Variants in SPAG16 observed in about 807,000 individuals in gnomAD.
SPAG16 encodes sperm-associated antigen 16 protein.
A neutral mutation model predicts 80.4 loss-of-function variants in SPAG16; 86 were observed. That is an observed-to-expected ratio of 1.07 (90% CI 0.90 to 1.28). The LOEUF is 1.28. Among genes scored for constraint, SPAG16 ranks in the 50% most tolerant of loss-of-function variants. SPAG16 has a pLI of 0.00. For synonymous variants in SPAG16, 294 were observed against 265.9 expected (o/e 1.11, Z -1.03); for missense variants, 870 against 765.3 (o/e 1.14, Z -1.61).
chr2:214,320,394 A>G (rs1696012228), intron 15 of SPAG16, among the ~76,000 whole-genome samples: 1 of 152,196 alleles, frequency 6.6e-6, no homozygotes, highest in Non-Finnish European at 1.5e-5. Context: ...AGCATGTACC[A>G]TACTATTTAA....
chr2:214,168,125 GATT>G (rs1407153713), intron 15 of SPAG16, among the ~76,000 whole-genome samples: 1 of 151,308 alleles, frequency 6.6e-6, no homozygotes, highest in Non-Finnish European at 1.5e-5. Context: ...GAATAGCTGG[GATT>G]ACAGGCATGC....
chr2:213,892,288 G>C (rs2076812885), intron 11 of SPAG16, among the ~76,000 whole-genome samples: 1 of 151,926 alleles, frequency 6.6e-6, no homozygotes, highest in Admixed American at 6.6e-5. Flanking sequence ...AGCTGAAAAG[G>C]AGGTGATGAC....
At chr2:214,112,506 G>A (rs775862685) in intron 14 of SPAG16, among the ~76,000 whole-genome samples, 5 of 152,118 alleles carry the variant, frequency 3.3e-5, no homozygotes, top group Non-Finnish European at 7.3e-5. Context: ...TGTAATGGGT[G>A]CATATATATT....
intron 1 of SPAG16, among the ~76,000 whole-genome samples, chr2:213,287,182 A>G (rs557869705): frequency 1.3e-5 from 2 of 152,370 alleles, no homozygotes; most frequent in African/African-American, 4.8e-5. Context: ...GCAGCATTAT[A>G]AACTATAAGG....
chr2:214,338,020 A>G (rs771910393), intron 15 of SPAG16, among the ~76,000 whole-genome samples: 1 of 151,954 alleles, frequency 6.6e-6, no homozygotes, highest in Non-Finnish European at 1.5e-5. Context: ...GAAATAACAT[A>G]CTCTTTTTTT....
intron 15 of SPAG16, among the ~76,000 whole-genome samples, chr2:214,273,702 T>C (rs189491544): frequency 1.1e-4 from 17 of 151,338 alleles, no homozygotes; most frequent in Non-Finnish European, 2.1e-4. Context: ...ACTGTACCCT[T>C]GTAACATAGT....
intron 15 of SPAG16, among the ~76,000 whole-genome samples, chr2:214,283,006 C>G (rs114123811): frequency 1.3e-5 from 2 of 152,080 alleles, no homozygotes; most frequent in Non-Finnish European, 2.9e-5. Flanking sequence ...AACTCTGATA[C>G]TGACTCAGCA....
chr2:213,980,265 ATATT>A (rs1480294025), intron 12 of SPAG16, among the ~76,000 whole-genome samples: 1,511 of 55,962 alleles, frequency 0.027, 269 homozygotes, highest in South Asian at 0.074. Flanking sequence ...GTGTGTATAT[ATATT>A]CTCTATATAT....
intron 15 of SPAG16, among the ~76,000 whole-genome samples, chr2:214,295,895 T>G (rs1056889776): frequency 6.6e-6 from 1 of 152,244 alleles, no homozygotes; most frequent in Non-Finnish European, 1.5e-5. Flanking sequence ...GTATTTTTAA[T>G]TTTTATCTTT....
intron 10 of SPAG16, among the ~76,000 whole-genome samples, chr2:213,850,776 G>A (rs763186336): frequency 4.6e-5 from 7 of 151,984 alleles, no homozygotes; most frequent in Non-Finnish European, 8.8e-5. Context: ...TTTGGTCAGT[G>A]GTGACTTAGG....
intron 13 of SPAG16, among the ~76,000 whole-genome samples, chr2:214,043,557 T>A (rs778821883): frequency 2.0e-5 from 3 of 152,160 alleles, no homozygotes; most frequent in Non-Finnish European, 4.4e-5. Flanking sequence ...ATTAAATACA[T>A]AATTGTCAGA....
At position 213,709,090 on chromosome 2, in the gene SPAG16, A is replaced by G. The variant is rs999786602; in HGVS notation, c.1071-153395A>G. 3.9e-5 allele frequency among the ~76,000 whole-genome samples: 6 copies of G among 152,188 alleles called. No individual in the cohort carries two copies. In the South Asian group the frequency reaches 8.3e-4, roughly 21 times the overall value. On this transcript the variant is annotated intron_variant, in intron 10 of 15. Transcript: ENST00000331683. Reference sequence around the variant, plus strand: ...GCAGACACTTTGGTAAAAGGTCCCAAACTATAATGATTACCTTATATTTTG... The same window carrying G: ...GCAGACACTTTGGTAAAAGGTCCCAGACTATAATGATTACCTTATATTTTG...
At chr2:214,370,992 A>T (rs528436965) in intron 15 of SPAG16, among the ~76,000 whole-genome samples, 3 of 152,126 alleles carry the variant, frequency 2.0e-5, no homozygotes, top group Non-Finnish European at 4.4e-5. Context: ...CCAGGCTTTT[A>T]GTCCCCATCC....
chr2:214,244,216 A>G (rs763194497), intron 15 of SPAG16, among the ~76,000 whole-genome samples: 2 of 151,986 alleles, frequency 1.3e-5, no homozygotes, highest in African/African-American at 2.4e-5. Flanking sequence ...ATAGAATGCC[A>G]TAGATCAGAA....
At chr2:214,264,250 C>A (rs1001900906) in intron 15 of SPAG16, among the ~76,000 whole-genome samples, 1 of 152,086 alleles carries the variant, frequency 6.6e-6, no homozygotes, top group Non-Finnish European at 1.5e-5. Flanking sequence ...TTCCAGTGTA[C>A]CTTATATAAA....
chr2:213,976,285 T>C (rs2045399382), intron 12 of SPAG16, among the ~76,000 whole-genome samples: 1 of 151,316 alleles, frequency 6.6e-6, no homozygotes, highest in South Asian at 2.1e-4. Flanking sequence ...CGTACACATG[T>C]GTGCACATAT....
At chr2:213,622,079 A>C (rs146761426) in intron 10 of SPAG16, among the ~76,000 whole-genome samples, 4 of 152,292 alleles carry the variant, frequency 2.6e-5, no homozygotes, top group Non-Finnish European at 4.4e-5. Context: ...ATTGTGACTC[A>C]ACAATACACC....
chr2:213,936,011 A>C (rs917491837), intron 12 of SPAG16, among the ~76,000 whole-genome samples: 2 of 148,126 alleles, frequency 1.4e-5, no homozygotes, highest in African/African-American at 2.4e-5. Context: ...ACTAGAGCAC[A>C]GGTGAAAAGG....
intron 12 of SPAG16, among the ~76,000 whole-genome samples, chr2:213,930,889 G>A (rs533851792): frequency 2.0e-5 from 3 of 152,244 alleles, no homozygotes; most frequent in South Asian, 4.1e-4. Flanking sequence ...GTAGTCTGTG[G>A]TCCTAGCTCT....
Sources: gnomAD v4.1 joint callset for allele counts (sites outside exome capture counted in the v4.1 genomes callset) on GRCh38, gnomAD v4.1.1 for gene constraint, MANE v1.5 for transcripts, NCBI Gene and HGNC (gene_info 2026-07-23, HGNC 2026-07-21) for gene names.